SUGCT: variants seen among roughly 807,000 people sequenced by gnomAD.
The protein encoded by SUGCT is succinyl-CoA:glutarate CoA-transferase.
In SUGCT, 41 loss-of-function variants were observed where a neutral mutation model predicts 55.0. The ratio of observed to expected loss-of-function variants is 0.74; its 90% CI spans 0.58 to 0.97. The LOEUF (loss-of-function observed/expected upper bound fraction) is 0.97. SUGCT is among the 50% of genes least tolerant of loss of function. The pLI is 0.00. For synonymous variants in SUGCT, 187 were observed against 200.4 expected (o/e 0.93, Z 0.56); for missense variants, 568 against 547.8 (o/e 1.04, Z -0.37).
intron 13 of SUGCT, among the ~76,000 whole-genome samples, chr7:40,832,382 T>C (rs995826533): frequency 3.3e-5 from 5 of 152,180 alleles, no homozygotes; most frequent in African/African-American, 1.2e-4. Flanking sequence ...TGTGTCCCAT[T>C]TAATGTTGTG....
chr7:40,772,554 C>A (rs980147984), intron 13 of SUGCT, among the ~76,000 whole-genome samples: 3 of 138,188 alleles, frequency 2.2e-5, no homozygotes, highest in African/African-American at 8.0e-5. Flanking sequence ...ATCTATCTAT[C>A]TATCTATCTG....
the SUGCT span, among the ~76,000 whole-genome samples, chr7:40,875,131 G>GA: frequency 9.2e-5 from 14 of 152,322 alleles, no homozygotes; most frequent in Middle Eastern, 3.4e-3. Context: ...TTCTGAGATA[G>GA]ATTGGAAATT....
chr7:40,951,088 C>T, the SUGCT span, among the ~76,000 whole-genome samples: 2 of 152,238 alleles, frequency 1.3e-5, no homozygotes, highest in African/African-American at 4.8e-5. Flanking sequence ...CCATCTGGTC[C>T]TGGACTTTTT....
chr7:40,773,472 A>G lies in SUGCT; in HGVS notation c.1153+23975A>G, dbSNP rs139640246. Among the ~76,000 whole-genome samples the G allele has an allele frequency of 3.7e-3, 567 of 152,202 alleles. 2 individuals carry two copies. The highest frequency in any genetic ancestry group is 0.013 in the African/African-American group (537 of 41,524). On this transcript the variant is annotated intron_variant, in intron 13 of 13. Coordinates refer to ENST00000335693, the MANE Select transcript of SUGCT (RefSeq NM_001193313.2). ...TTATTTTGAGTGTATTGCCTCTATT[A>G]GTCTGTCTTTCTCACATACGATTTG...
In SUGCT at chr7:40,210,203, G is replaced by A. The variant is rs562334071; in HGVS notation, c.484+15143G>A. On this transcript the variant is annotated intron_variant, in intron 6 of 13. Coordinates refer to ENST00000335693, the MANE Select transcript of SUGCT (RefSeq NM_001193313.2). ...TGGGATTACAGGCATGTGCCACCACGCCCAGCTATTTTTTTTGTATTTTTA... is the reference window on the plus strand; with the variant it reads ...TGGGATTACAGGCATGTGCCACCACACCCAGCTATTTTTTTTGTATTTTTA... Among the ~76,000 whole-genome samples, 53 of 151,964 alleles carry A rather than the reference G, an allele frequency of 3.5e-4. No homozygotes were observed. The South Asian group carries it at 0.011, about 30-fold the overall frequency.
the SUGCT span, among the ~76,000 whole-genome samples, chr7:40,931,175 A>G: frequency 6.6e-6 from 1 of 152,226 alleles, no homozygotes; most frequent in African/African-American, 2.4e-5. Flanking sequence ...ATCTATTAAG[A>G]TAATCATGTG....
intron 9 of SUGCT, among the ~76,000 whole-genome samples, chr7:40,333,653 AAAAAAAAAAAAAAAAATATATATAT>A: frequency 1.8e-5 from 1 of 56,706 alleles, no homozygotes. Context: ...AAAAAAAAAA[AAAAAAAAAAAAAAAAATATATATAT>A]ATATATATAT....
chr7:40,266,754 C>T (rs543982480), intron 7 of SUGCT, among the ~76,000 whole-genome samples: 7 of 152,110 alleles, frequency 4.6e-5, no homozygotes, highest in Middle Eastern at 3.4e-3. Context: ...TGATGGCTCA[C>T]GCCTATAATC....
intron 7 of SUGCT, among the ~76,000 whole-genome samples, chr7:40,245,421 A>ATTTT (rs1789764719): frequency 2.5e-5 from 1 of 39,902 alleles, no homozygotes; most frequent in African/African-American, 1.2e-4. Flanking sequence ...ATATATATAT[A>ATTTT]TATTTTTTTT....
intron 12 of SUGCT, among the ~76,000 whole-genome samples, chr7:40,597,085 A>G (rs1481425713): frequency 6.6e-6 from 1 of 152,232 alleles, no homozygotes; most frequent in Non-Finnish European, 1.5e-5. Flanking sequence ...TCAAAGTTAT[A>G]CAGCAAGTAG....
chr7:40,202,347 C>T (rs1292158266), intron 6 of SUGCT, among the ~76,000 whole-genome samples: 3 of 152,144 alleles, frequency 2.0e-5, no homozygotes, highest in East Asian at 3.8e-4. Flanking sequence ...CAGTTTATGA[C>T]GTCTCCTTTT....
rs553460502 is a variant in SUGCT at position 40,233,211 on chromosome 7, TTTA to T, written c.485-4403_485-4401del. Among the ~76,000 whole-genome samples the T allele has an allele frequency of 1.0e-3, 158 of 151,320 alleles. 3 individuals carry two copies. The highest frequency in any genetic ancestry group is 3.5e-3 in the African/African-American group (143 of 41,338). Reference sequence around the variant, plus strand: ...TGACTCCTATTATGGAATATATATGTTTATTATTATTATTATTATTATTTTTGA... The same window carrying T: ...TGACTCCTATTATGGAATATATATGTTTATTATTATTATTATTATTTTTGA... On this transcript the variant is annotated intron_variant, in intron 6 of 13. Coordinates refer to ENST00000335693, the MANE Select transcript of SUGCT (RefSeq NM_001193313.2).
intron 6 of SUGCT, among the ~76,000 whole-genome samples, chr7:40,232,682 G>C (rs1280365357): frequency 1.3e-5 from 2 of 152,064 alleles, no homozygotes; most frequent in Non-Finnish European, 2.9e-5. Context: ...TTTTACCAAC[G>C]TCTAGAAATT....
chr7:40,945,041 T>C, the SUGCT span, among the ~76,000 whole-genome samples: 1 of 152,094 alleles, frequency 6.6e-6, no homozygotes. Context: ...TTTTCCCCAG[T>C]ATTTTGTTTA....
chr7:40,789,554 A>T (rs1790203247), intron 13 of SUGCT, among the ~76,000 whole-genome samples: 1 of 152,064 alleles, frequency 6.6e-6, no homozygotes, highest in African/African-American at 2.4e-5. Context: ...TTTGTTTCTT[A>T]GTTACTATGC....
chr7:40,602,894 ACTTT>A (rs1407247427), intron 12 of SUGCT, among the ~76,000 whole-genome samples: 3 of 152,124 alleles, frequency 2.0e-5, no homozygotes, highest in Non-Finnish European at 4.4e-5. Context: ...GGATATTCTC[ACTTT>A]CTTCTAGAAA....
intron 12 of SUGCT, among the ~76,000 whole-genome samples, chr7:40,643,928 G>A (rs1252503466): frequency 3.9e-5 from 6 of 152,140 alleles, no homozygotes; most frequent in Admixed American, 6.5e-5. Flanking sequence ...GTTTGCCTGC[G>A]GGCAGGACAT....
Position 40,285,492 on chromosome 7 carries a change from CG to C in SUGCT, c.720+10845del, listed in dbSNP as rs57373333. Among the ~76,000 whole-genome samples the C allele has an allele frequency of 4.5e-3, 554 of 123,166 alleles. 5 individuals carry two copies. The highest frequency in any genetic ancestry group is 0.017 in the African/African-American group (531 of 31,372). The allele number at this position is 123,166 out of a possible 152,430, so 80.8% of individuals were successfully genotyped here. ...ATTTATTCTTGTTTTTTTCTTTTTT[CG>C]GGGGGGGGCAAGAATTTTATTTAGA... On this transcript the variant is annotated intron_variant, in intron 8 of 13. Transcript: ENST00000335693.
chr7:40,849,628 G>C (rs993585263), intron 13 of SUGCT, among the ~76,000 whole-genome samples: 1 of 152,168 alleles, frequency 6.6e-6, no homozygotes, highest in Non-Finnish European at 1.5e-5. Context: ...TATAGCTAGA[G>C]TAGCTTGGGG....
Sources: allele counts gnomAD v4.1 joint callset (sites outside exome capture counted in the v4.1 genomes callset), GRCh38; gene constraint gnomAD v4.1.1; transcripts MANE v1.5; gene names NCBI Gene and HGNC (gene_info 2026-07-23, HGNC 2026-07-21).